Variants in LINGO2 observed in about 807,000 individuals in gnomAD.
LINGO2 encodes leucine-rich repeat and immunoglobulin-like domain-containing nogo receptor-interacting protein 2.
LINGO2 carries 14 observed loss-of-function variants against 30.6 expected under a neutral mutation model. The observed-to-expected ratio is 0.46, with a 90% CI of 0.30 to 0.72. LINGO2 has a LOEUF of 0.72. Among genes scored for constraint, LINGO2 ranks in the 30% least tolerant of loss-of-function variants. The pLI, the probability that LINGO2 is intolerant of heterozygous loss-of-function variation, is 0.07. For synonymous variants in LINGO2, 317 were observed against 288.5 expected, an observed-to-expected ratio of 1.10 and a Z score of -1.00; for missense variants, 729 against 751.7, an observed-to-expected ratio of 0.97 and a Z score of 0.35.
chr9:28,319,765 G>A (rs1255371694), intron 3 of LINGO2, among the ~76,000 whole-genome samples: 1 of 152,102 alleles, frequency 6.6e-6, no homozygotes, highest in Non-Finnish European at 1.5e-5. Context: ...TGATAGAAAT[G>A]TTTTACATCT....
rs192802198 is a variant in LINGO2, at chr9:28,084,937, A to G, written c.-86-72532T>C. Among the ~76,000 whole-genome samples, 4 of 152,262 alleles carry G rather than the reference A, an allele frequency of 2.6e-5. No individual in the cohort carries two copies. In the East Asian group the frequency reaches 7.7e-4, roughly 29 times the overall value. On this transcript the variant is annotated intron_variant, in intron 4 of 5. Transcript: ENST00000379992. Reference sequence around the variant, plus strand: ...GAAGATCTTTTGCAGGAGCTGGCACATTGGCCTAGTTCAAAATTATAGCTA... The same window carrying G: ...GAAGATCTTTTGCAGGAGCTGGCACGTTGGCCTAGTTCAAAATTATAGCTA...
the LINGO2 span, among the ~76,000 whole-genome samples, chr9:29,182,414 C>A: frequency 6.6e-6 from 1 of 151,960 alleles, no homozygotes; most frequent in African/African-American, 2.4e-5. Flanking sequence ...AAGCCTAGAA[C>A]AAAGCTTGAG....
the LINGO2 span, among the ~76,000 whole-genome samples, chr9:28,987,623 C>T: frequency 1.3e-5 from 2 of 152,030 alleles, no homozygotes; most frequent in African/African-American, 2.4e-5. Flanking sequence ...CCTTGAGGAG[C>T]AACATTAAGT....
chr9:28,939,645 T>C, the LINGO2 span, among the ~76,000 whole-genome samples: 854 of 152,246 alleles, frequency 5.6e-3, 12 homozygotes, highest in African/African-American at 0.019. Flanking sequence ...TACTTATTGG[T>C]TTAAAGGTTT....
the LINGO2 span, among the ~76,000 whole-genome samples, chr9:28,921,372 T>A: frequency 0.041 from 6,257 of 151,928 alleles, 195 homozygotes; most frequent in Admixed American, 0.082. Flanking sequence ...GAGGCAATAA[T>A]GAGTTTCGTA....
chr9:28,003,552 G>A lies in LINGO2; in HGVS notation c.-36+8803C>T, dbSNP rs183114383. Among the ~76,000 whole-genome samples, 23 of 152,170 alleles carry A rather than the reference G, an allele frequency of 1.5e-4. No individual in the cohort carries two copies. In the East Asian group the frequency reaches 4.3e-3, roughly 28 times the overall value. On this transcript the variant is annotated intron_variant, in intron 5 of 5. Transcript: ENST00000379992. Reference sequence around the variant, plus strand: ...CGGCTCACTGCAAGCTCCGCCTCCCGAGTTCATGCCATTCTTCTCCTGCCT... The same window carrying A: ...CGGCTCACTGCAAGCTCCGCCTCCCAAGTTCATGCCATTCTTCTCCTGCCT...
chr9:28,093,393 A>C (rs774493719), intron 4 of LINGO2, among the ~76,000 whole-genome samples: 2 of 152,040 alleles, frequency 1.3e-5, no homozygotes, highest in Non-Finnish European at 2.9e-5. Context: ...GGTGAGGCAG[A>C]CCGTGACACT....
intron 1 of LINGO2, among the ~76,000 whole-genome samples, chr9:28,529,494 AG>A (rs1821149300): frequency 6.6e-6 from 1 of 152,126 alleles, no homozygotes; most frequent in South Asian, 2.1e-4. Context: ...GTCACAGTAC[AG>A]AGATAAGGTA....
the LINGO2 span, among the ~76,000 whole-genome samples, chr9:29,212,436 G>T: frequency 6.6e-6 from 1 of 151,950 alleles, no homozygotes; most frequent in African/African-American, 2.4e-5. Flanking sequence ...CGGCCAAGCG[G>T]CAGCGTGGGC....
At chr9:28,149,013 G>C in intron 4 of LINGO2, 1 of 1,534,442 alleles carries the variant, frequency 6.5e-7, no homozygotes, top group Non-Finnish European at 8.7e-7. Context: ...CTGCAACTGA[G>C]GTGGGATAGA....
In LINGO2 at chr9:28,441,251, C is replaced by CTTTT. The variant is rs72213590; in HGVS notation, c.-279+34685_-279+34688dup. ...TATAGCAGTATAAATTCATTGGAGGCTTTTTTTTTTTTTTTTTTTTTTTTT... is the reference window on the plus strand; with the variant it reads ...TATAGCAGTATAAATTCATTGGAGGCTTTTTTTTTTTTTTTTTTTTTTTTTTTTT... On this transcript the variant is annotated intron_variant, in intron 2 of 5. Coordinates refer to ENST00000379992, the Ensembl canonical transcript of LINGO2. Among the ~76,000 whole-genome samples the CTTTT allele has an allele frequency of 6.6e-4, 24 of 36,286 alleles. 4 individuals are homozygous for CTTTT. The highest frequency in any genetic ancestry group is 1.0e-3 in the African/African-American group (11 of 10,798). 23.8% of individuals were successfully genotyped at this position (36,286 alleles called of 152,430 possible).
the LINGO2 span, among the ~76,000 whole-genome samples, chr9:28,883,096 T>C: frequency 6.6e-6 from 1 of 152,220 alleles, no homozygotes; most frequent in East Asian, 1.9e-4. Flanking sequence ...AGATTATAGA[T>C]GATTTGGAGC....
At chr9:28,476,633 A>C (rs766170828) in intron 1 of LINGO2, among the ~76,000 whole-genome samples, 1 of 151,864 alleles carries the variant, frequency 6.6e-6, no homozygotes, top group Admixed American at 6.5e-5. Flanking sequence ...AGCCATTCAT[A>C]TATTTGAAGA....
At chr9:29,048,409 C>T in the LINGO2 span, among the ~76,000 whole-genome samples, 1 of 151,820 alleles carries the variant, frequency 6.6e-6, no homozygotes, top group Non-Finnish European at 1.5e-5. Context: ...AAGCAATCTA[C>T]AGCTTCAATG....
At chr9:29,156,719 G>T in the LINGO2 span, among the ~76,000 whole-genome samples, 6 of 152,102 alleles carry the variant, frequency 3.9e-5, no homozygotes, top group South Asian at 1.2e-3. Context: ...TTCTTAGACA[G>T]GTCTTTGAGT....
rs185314988 is a variant in LINGO2 at position 28,241,636 on chromosome 9, T to C, written c.-87+53572A>G. On this transcript the variant is annotated intron_variant, in intron 4 of 5. Coordinates refer to ENST00000379992, the Ensembl canonical transcript of LINGO2. Reference sequence around the variant, plus strand: ...ACCAAGGGACAGCCAAAGTGCCTTGTTAAATGGGTCCTGCTTCCTATGCCA... The same window carrying C: ...ACCAAGGGACAGCCAAAGTGCCTTGCTAAATGGGTCCTGCTTCCTATGCCA... Among the ~76,000 whole-genome samples the C allele has an allele frequency of 1.9e-3, 294 of 152,188 alleles. 1 individual carries two copies. The highest frequency in any genetic ancestry group is 6.8e-3 in the African/African-American group (283 of 41,516).
chr9:27,972,126 G>T (rs1022270976), intron 5 of LINGO2, among the ~76,000 whole-genome samples: 2 of 152,132 alleles, frequency 1.3e-5, no homozygotes, highest in Non-Finnish European at 2.9e-5. Flanking sequence ...AAAGAGAAAG[G>T]AATGAAAGGT....
chr9:28,937,682 C>G, the LINGO2 span, among the ~76,000 whole-genome samples: 1 of 152,180 alleles, frequency 6.6e-6, no homozygotes, highest in Non-Finnish European at 1.5e-5. Flanking sequence ...GGTCCTACCC[C>G]TGAAACCAGG....
At chr9:29,112,245 A>C in the LINGO2 span, among the ~76,000 whole-genome samples, 1 of 152,134 alleles carries the variant, frequency 6.6e-6, no homozygotes, top group Non-Finnish European at 1.5e-5. Flanking sequence ...ATGCTACTCA[A>C]GGGTTCATCA....
Sources: allele counts gnomAD v4.1 joint callset (sites outside exome capture counted in the v4.1 genomes callset), GRCh38; gene constraint gnomAD v4.1.1; transcripts MANE v1.5; gene names NCBI Gene and HGNC (gene_info 2026-07-23, HGNC 2026-07-21).